Variants in PTPRG observed in about 807,000 individuals in gnomAD.
PTPRG encodes the protein receptor-type tyrosine-protein phosphatase gamma.
A neutral mutation model predicts 165.3 loss-of-function variants in PTPRG; 102 were observed. The ratio of observed to expected loss-of-function variants is 0.62; its 90% CI spans 0.53 to 0.73. PTPRG has a LOEUF of 0.73. Among genes scored for constraint, PTPRG ranks in the 30% least tolerant of loss-of-function variants. PTPRG has a pLI of 0.00. For missense variants in PTPRG, 1,866 were observed against 1,861.4 expected (o/e 1.00, Z -0.05); for synonymous variants, 675 against 669.5 (o/e 1.01, Z -0.13).
At chr3:62,138,045 TCTC>T (rs1389149574) in intron 6 of PTPRG, among the ~76,000 whole-genome samples, 1 of 152,202 alleles carries the variant, frequency 6.6e-6, no homozygotes, top group Non-Finnish European at 1.5e-5. Flanking sequence ...AAGGCTCTCT[TCTC>T]TTTTGCAGAA....
At chr3:62,262,100 T>C (rs1322351620) in intron 16 of PTPRG, 1 of 152,254 alleles carries the variant, frequency 6.6e-6, no homozygotes, top group Non-Finnish European at 1.5e-5. Context: ...ATTAGGCTAA[T>C]GGATGACGTT....
intron 8 of PTPRG, among the ~76,000 whole-genome samples, chr3:62,172,009 T>C (rs1013429118): frequency 1.3e-5 from 2 of 152,232 alleles, no homozygotes; most frequent in Non-Finnish European, 2.9e-5. Context: ...GTGGATCATA[T>C]ATGACTTTTT....
At chr3:61,955,236 T>C (rs1270657472) in intron 2 of PTPRG, among the ~76,000 whole-genome samples, 1 of 152,224 alleles carries the variant, frequency 6.6e-6, no homozygotes, top group African/African-American at 2.4e-5. Context: ...CTTTATTATT[T>C]GTGACCCAAT....
At chr3:61,680,399 GCCCA>G (rs1703390869) in intron 1 of PTPRG, among the ~76,000 whole-genome samples, 1 of 151,132 alleles carries the variant, frequency 6.6e-6, no homozygotes, top group African/African-American at 2.4e-5. Flanking sequence ...TCCTACTCTT[GCCCA>G]GGCTGAGTAT....
chr3:62,247,210 T>C (rs1213078840), intron 15 of PTPRG, among the ~76,000 whole-genome samples: 1 of 152,160 alleles, frequency 6.6e-6, no homozygotes, highest in Non-Finnish European at 1.5e-5. Flanking sequence ...GAGACTTTTT[T>C]TTAATTTGCC....
At chr3:62,059,307 C>T (rs1027982467) in intron 4 of PTPRG, among the ~76,000 whole-genome samples, 3 of 152,140 alleles carry the variant, frequency 2.0e-5, no homozygotes, top group African/African-American at 7.2e-5. Context: ...ATTCTGGTTC[C>T]TCATTCCATT....
intron 2 of PTPRG, chr3:61,770,290 T>A (rs1371768937): frequency 1.3e-5 from 2 of 152,168 alleles, no homozygotes; most frequent in Non-Finnish European, 2.9e-5. Flanking sequence ...TAGGGATGAA[T>A]GATTGGGTTC....
chr3:62,110,050 C>T (rs1295508828), intron 5 of PTPRG, among the ~76,000 whole-genome samples: 1 of 144,676 alleles, frequency 6.9e-6, no homozygotes, highest in East Asian at 2.1e-4. Context: ...TTAGTTTCTT[C>T]CTTGTTCAGT....
At chr3:61,782,671 A>G (rs1454404066) in intron 2 of PTPRG, among the ~76,000 whole-genome samples, 1 of 152,238 alleles carries the variant, frequency 6.6e-6, no homozygotes, top group Non-Finnish European at 1.5e-5. Flanking sequence ...GAGAAAACTG[A>G]AGACGAATGT....
At chr3:61,966,315 A>G (rs1228650468) in intron 2 of PTPRG, among the ~76,000 whole-genome samples, 1 of 152,182 alleles carries the variant, frequency 6.6e-6, no homozygotes, top group African/African-American at 2.4e-5. Flanking sequence ...GCCTCTAGCA[A>G]TGTGGAGATG....
At chr3:61,562,732 CTG>C (rs1699794882) in intron 1 of PTPRG, among the ~76,000 whole-genome samples, 1 of 151,914 alleles carries the variant, frequency 6.6e-6, no homozygotes, top group South Asian at 2.1e-4. Flanking sequence ...GTTGGGGAGA[CTG>C]AGGCCATGGA....
In PTPRG at chr3:62,218,931, G is replaced by A. The variant is rs1332316958; in HGVS notation, c.2236G>A (p.Ala746Thr). 1 of 1,614,046 alleles carries A rather than the reference G, an allele frequency of 6.2e-7. No individual in the cohort carries two copies. The highest frequency in any genetic ancestry group is 1.7e-5 in the Admixed American group (1 of 60,006). The change falls in exon 13 of 30, where the codon GCC becomes ACC. Residue 746 changes from alanine to threonine, a missense_variant. By Grantham distance (58) the Ala-to-Thr change is moderately conservative. Coordinates refer to ENST00000474889, the MANE Select transcript of PTPRG (RefSeq NM_002841.4). ...GATCATCCCTCTGATTGTGGTATCAGCCTTGACCTTCGTGTGCCTCATCCT... is the reference window on the plus strand; with the variant it reads ...GATCATCCCTCTGATTGTGGTATCAACCTTGACCTTCGTGTGCCTCATCCT... Reference protein sequence around the residue: ...EWIIPLIVVSALTFVCLILLI... With the variant: ...EWIIPLIVVSTLTFVCLILLI...
intron 1 of PTPRG, among the ~76,000 whole-genome samples, chr3:61,637,930 G>GAATA (rs10664506): frequency 0.39 from 58,554 of 151,748 alleles, 11,432 homozygotes; most frequent in Middle Eastern, 0.45. Context: ...ATTCAGACTG[G>GAATA]ATCTCGTTAA....
intron 7 of PTPRG, among the ~76,000 whole-genome samples, chr3:62,165,833 A>T (rs1053907350): frequency 6.6e-6 from 1 of 152,112 alleles, no homozygotes; most frequent in Non-Finnish European, 1.5e-5. Context: ...ATGCAAAGAG[A>T]GGGCAGACTG....
chr3:61,632,304 G>C (rs1327814505), intron 1 of PTPRG, among the ~76,000 whole-genome samples: 1 of 131,842 alleles, frequency 7.6e-6, no homozygotes, highest in African/African-American at 3.2e-5. Flanking sequence ...GTGAGACCCT[G>C]TTACACACGC....
chr3:61,792,553 T>C (rs1031943711), intron 2 of PTPRG, among the ~76,000 whole-genome samples: 23 of 152,146 alleles, frequency 1.5e-4, no homozygotes, highest in Non-Finnish European at 4.4e-5. Context: ...CACATTCTTC[T>C]CAGTTCTTGG....
chr3:62,271,863 G>A lies in PTPRG; in HGVS notation c.3182+308G>A, dbSNP rs1198892177. 6.6e-6 allele frequency among the ~76,000 whole-genome samples: 1 copy of A among 152,130 alleles called. No homozygotes were observed. The highest frequency in any genetic ancestry group is 2.4e-5 in the African/African-American group (1 of 41,424). On this transcript the variant is annotated intron_variant, in intron 21 of 29. Coordinates refer to ENST00000474889, the MANE Select transcript of PTPRG (RefSeq NM_002841.4). This position sits in a 1 kb window ranked among gnomAD's most constrained non-coding sequence, Gnocchi z 4.1. ...CCAGCACTTTGGGAGGCTGAGGTGG[G>A]TGGATCACTTGAGCCCAGGAGTTTG...
chr3:62,157,002 G>C (rs1256598001), intron 6 of PTPRG, 65 bp from the exon 7 acceptor site: 4 of 1,429,592 alleles, frequency 2.8e-6, no homozygotes, highest in East Asian at 2.3e-5. Context: ...GGTGTTGACT[G>C]TGTCTGCGGC....
At chr3:62,150,123 C>T (rs1443715565) in intron 6 of PTPRG, among the ~76,000 whole-genome samples, 1 of 152,172 alleles carries the variant, frequency 6.6e-6, no homozygotes, top group African/African-American at 2.4e-5. Context: ...GGATAGGCCT[C>T]ATTTAGAAAC....
Sources: allele counts gnomAD v4.1 joint callset (sites outside exome capture counted in the v4.1 genomes callset), GRCh38; gene constraint gnomAD v4.1.1; non-coding constraint Gnocchi (gnomAD v3.1); transcripts MANE v1.5; gene names NCBI Gene and HGNC (gene_info 2026-07-23, HGNC 2026-07-21).